Variants in AGR3 observed in about 807,000 individuals in gnomAD.
AGR3 encodes the protein anterior gradient protein 3.
A neutral mutation model predicts 24.5 loss-of-function variants in AGR3; 37 were observed. The ratio of observed to expected loss-of-function variants is 1.51; its 90% CI spans 1.16 to 1.99. AGR3 has a LOEUF of 1.99. Ranked by LOEUF, AGR3 falls within the 30% of genes most tolerant of loss-of-function variation. The pLI is 0.00. For synonymous variants in AGR3, 75 were observed against 61.6 expected (o/e 1.22, Z -1.02); for missense variants, 228 against 191.1 (o/e 1.19, Z -1.14).
chr7:16,871,561 G>A (rs923608560), intron 3 of AGR3, among the ~76,000 whole-genome samples: 1 of 152,022 alleles, frequency 6.6e-6, no homozygotes, highest in Non-Finnish European at 1.5e-5. Context: ...ACCACAAAAA[G>A]GCCAGGCGTG....
intron 4 of AGR3, 149 bp downstream of exon 4, chr7:16,862,461 C>A (rs976021094): frequency 1.5e-5 from 7 of 456,466 alleles, no homozygotes; most frequent in Non-Finnish European, 2.7e-5. Context: ...TCTTTAAGCA[C>A]CTTAGTAAAA....
intron 3 of AGR3, among the ~76,000 whole-genome samples, chr7:16,871,036 T>G (rs1224093512): frequency 6.6e-6 from 1 of 152,202 alleles, no homozygotes; most frequent in Non-Finnish European, 1.5e-5. Flanking sequence ...AATGGTATAC[T>G]TGGTTATTGA....
At chr7:16,854,955 A>G (rs965929953), downstream of AGR3, among the ~76,000 whole-genome samples, 5 of 152,146 alleles carry the variant, frequency 3.3e-5, no homozygotes, top group African/African-American at 1.2e-4. Context: ...TTAGGGGCCC[A>G]TTCTACTCCA....
intron 7 of AGR3, 107 bp from the exon 8 acceptor site, chr7:16,859,738 G>C (rs573200040): frequency 6.0e-6 from 4 of 667,374 alleles, no homozygotes; most frequent in Non-Finnish European, 9.8e-6. Context: ...TAATAGCTTT[G>C]AACATGGGAA....
intron 3 of AGR3, chr7:16,866,021 T>C: frequency 1.5e-6 from 1 of 650,402 alleles, no homozygotes; most frequent in Non-Finnish European, 2.9e-6. Context: ...AACTTTCTGG[T>C]TTATATTTAT....
chr7:16,862,105 GA>G, intron 4 of AGR3, 45 bp from the exon 5 acceptor site: 1 of 1,384,662 alleles, frequency 7.2e-7, no homozygotes, highest in Non-Finnish European at 1.0e-6. Flanking sequence ...AGGATCAAGA[GA>G]CCTTTAATGT....
At chr7:16,871,953 G>A (rs1311907760) in intron 3 of AGR3, among the ~76,000 whole-genome samples, 1 of 152,062 alleles carries the variant, frequency 6.6e-6, no homozygotes, top group Non-Finnish European at 1.5e-5. Context: ...AGAAATTGAA[G>A]AGAACACCAA....
In AGR3 at chr7:16,867,975, C is replaced by A. The variant is rs1026250266; in HGVS notation, c.174-5313G>T. 2.0e-5 allele frequency among the ~76,000 whole-genome samples: 3 copies of A among 152,116 alleles called. No homozygotes were observed. The South Asian group carries it at 6.2e-4, about 31-fold the overall frequency. On this transcript the variant is annotated intron_variant, in intron 3 of 7. Transcript: ENST00000310398. ...CATAATGGCTGTACTAATTTACATTCCCACCAACAGTGTAAAAGGGTTCTC... is the reference window on the plus strand; with the variant it reads ...CATAATGGCTGTACTAATTTACATTACCACCAACAGTGTAAAAGGGTTCTC...
intron 3 of AGR3, among the ~76,000 whole-genome samples, chr7:16,869,854 T>C (rs982392710): frequency 2.6e-5 from 4 of 151,886 alleles, no homozygotes; most frequent in Non-Finnish European, 4.4e-5. Flanking sequence ...TTGTAAAATG[T>C]TTAATAATGA....
At chr7:16,855,399 G>C (rs1028816330), downstream of AGR3, among the ~76,000 whole-genome samples, 1 of 151,808 alleles carries the variant, frequency 6.6e-6, no homozygotes, top group African/African-American at 2.4e-5. Context: ...TAAACTTCTA[G>C]AATTCATTCC....
At chr7:16,869,153 T>C (rs1312319343) in intron 3 of AGR3, among the ~76,000 whole-genome samples, 2 of 152,208 alleles carry the variant, frequency 1.3e-5, no homozygotes, top group Non-Finnish European at 2.9e-5. Flanking sequence ...AGTCCCTTAC[T>C]ATTATTGTGT....
chr7:16,863,261 A>T (rs992641120), intron 3 of AGR3, among the ~76,000 whole-genome samples: 1 of 152,224 alleles, frequency 6.6e-6, no homozygotes. Flanking sequence ...CAATGTATTC[A>T]TTTCCAATGA....
intron 3 of AGR3, among the ~76,000 whole-genome samples, chr7:16,864,031 T>C (rs1231526938): frequency 6.6e-6 from 1 of 152,204 alleles, no homozygotes; most frequent in East Asian, 1.9e-4. Context: ...CTTAAACCAC[T>C]CATAGATTTA....
In AGR3 at chr7:16,868,321, A is replaced by T. The variant is rs920721944; in HGVS notation, c.173+5459T>A. ...AAGGCATGCACCACTATGCCTGGCT[A>T]ATTTTGTATTTTTAGTAGAGATGGG... is the stretch of plus-strand genomic sequence containing the variant. On this transcript the variant is annotated intron_variant, in intron 3 of 7. Transcript: ENST00000310398. 4.0e-5 allele frequency among the ~76,000 whole-genome samples: 6 copies of T among 151,864 alleles called. No individual in the cohort carries two copies. In the South Asian group the frequency reaches 1.2e-3, roughly 32 times the overall value.
chr7:16,864,904 C>G (rs549588711), intron 3 of AGR3: 23 of 899,298 alleles, frequency 2.6e-5, no homozygotes, highest in Middle Eastern at 5.8e-4. Context: ...TTCACTGGCT[C>G]TCACAATATC....
intron 1 of AGR3, among the ~76,000 whole-genome samples, chr7:16,880,629 C>T (rs1366201861): frequency 1.3e-5 from 2 of 148,432 alleles, no homozygotes; most frequent in African/African-American, 5.0e-5. Flanking sequence ...ATATAAAAAC[C>T]CTGTTAAACA....
intron 3 of AGR3, among the ~76,000 whole-genome samples, chr7:16,868,561 C>T (rs1781804908): frequency 6.6e-6 from 1 of 152,094 alleles, no homozygotes; most frequent in Non-Finnish European, 1.5e-5. Flanking sequence ...TGCTTCTTTT[C>T]AGATGTATGG....
rs191614876 is a variant in AGR3 at position 16,881,025 on chromosome 7, G to A, written c.-28+919C>T. 2.5e-4 allele frequency among the ~76,000 whole-genome samples: 38 copies of A among 152,194 alleles called. No individual in the cohort carries two copies. The East Asian group carries it at 4.6e-3, about 19-fold the overall frequency. ...TTTCCGTGGGAATAGGGTCCAAAAC[G>A]TCATTAAAATTCTTCCAGGGATCTT... On this transcript the variant is annotated intron_variant, in intron 1 of 7. Transcript: ENST00000310398.
chr7:16,881,523 G>A (rs561037738), intron 1 of AGR3, among the ~76,000 whole-genome samples: 208 of 152,132 alleles, frequency 1.4e-3, no homozygotes, highest in African/African-American at 4.9e-3. Context: ...CATTTGGGAG[G>A]CACATAACCA....
Sources: gnomAD v4.1 joint callset for allele counts (sites outside exome capture counted in the v4.1 genomes callset) on GRCh38, gnomAD v4.1.1 for gene constraint, MANE v1.5 for transcripts, NCBI Gene and HGNC (gene_info 2026-07-23, HGNC 2026-07-21) for gene names.